ST8SIA6: variants seen among roughly 807,000 people sequenced by gnomAD.
ST8SIA6 encodes the protein ST8 alpha-N-acetyl-neuraminide alpha-2,8-sialyltransferase 6.
ST8SIA6 carries 39 observed loss-of-function variants against 33.6 expected under a neutral mutation model. That is an observed-to-expected ratio of 1.16 (90% CI 0.90 to 1.52). The LOEUF is 1.52. Ranked by LOEUF, ST8SIA6 falls within the 40% of genes most tolerant of loss-of-function variation. The pLI is 0.00. For missense variants in ST8SIA6, 441 were observed against 443.8 expected (o/e 0.99, Z 0.06); for synonymous variants, 172 against 167.2 (o/e 1.03, Z -0.22).
chr10:17,366,217 G>A (rs1313277829), intron 3 of ST8SIA6, among the ~76,000 whole-genome samples: 1 of 152,150 alleles, frequency 6.6e-6, no homozygotes, highest in Non-Finnish European at 1.5e-5. Context: ...TATGCACGAT[G>A]GTAACTTCTA....
At chr10:17,449,359 T>A (rs1175898723) in intron 2 of ST8SIA6, among the ~76,000 whole-genome samples, 1 of 152,168 alleles carries the variant, frequency 6.6e-6, no homozygotes, top group Non-Finnish European at 1.5e-5. Flanking sequence ...ACAAAGCTTA[T>A]TAGCAAGAGA....
intron 4 of ST8SIA6, among the ~76,000 whole-genome samples, chr10:17,334,336 G>A (rs1043851474): frequency 1.3e-5 from 2 of 151,290 alleles, no homozygotes; most frequent in African/African-American, 4.8e-5. Flanking sequence ...TCAGGAGATC[G>A]AGACCATCCT....
At chr10:17,395,317 A>G (rs1850767934) in intron 2 of ST8SIA6, among the ~76,000 whole-genome samples, 1 of 152,188 alleles carries the variant, frequency 6.6e-6, no homozygotes, top group South Asian at 2.1e-4. Context: ...TGGGGATCAT[A>G]TCACATCCTG....
chr10:17,336,834 T>TCCAC (rs2131592326), intron 4 of ST8SIA6, among the ~76,000 whole-genome samples: 1 of 152,228 alleles, frequency 6.6e-6, no homozygotes, highest in East Asian at 1.9e-4. Flanking sequence ...CCCTAGTTGA[T>TCCAC]CCACCCCCCT....
At chr10:17,323,340 T>TAATAATTA (rs372399043) in intron 6 of ST8SIA6, among the ~76,000 whole-genome samples, 183 bp from the exon 7 acceptor site, 2,781 of 151,822 alleles carry the variant, frequency 0.018, 29 homozygotes, top group Non-Finnish European at 0.022. Context: ...TTATTTACTT[T>TAATAATTA]AATAATTACT....
intron 2 of ST8SIA6, among the ~76,000 whole-genome samples, chr10:17,401,507 A>G (rs187297435): frequency 6.6e-6 from 1 of 152,236 alleles, no homozygotes; most frequent in South Asian, 2.1e-4. Context: ...AGCTGGAAGC[A>G]TCACGCTACC....
intron 4 of ST8SIA6, among the ~76,000 whole-genome samples, chr10:17,358,152 ATG>A (rs1426587502): frequency 6.6e-6 from 1 of 152,176 alleles, no homozygotes; most frequent in Non-Finnish European, 1.5e-5. Context: ...CATGATATCC[ATG>A]TGTCTACCCA....
At chr10:17,328,498 G>A (rs905453066) in intron 5 of ST8SIA6, among the ~76,000 whole-genome samples, 1 of 152,286 alleles carries the variant, frequency 6.6e-6, no homozygotes, top group South Asian at 2.1e-4. Flanking sequence ...AAGTAATAAT[G>A]TGACCTTGAG....
intron 2 of ST8SIA6, among the ~76,000 whole-genome samples, chr10:17,416,350 G>T (rs1851607218): frequency 6.6e-6 from 1 of 151,992 alleles, no homozygotes; most frequent in African/African-American, 2.4e-5. Flanking sequence ...CTACTCTCTG[G>T]CTTTGAGTCC....
chr10:17,392,934 CATG>C (rs1482687709), intron 2 of ST8SIA6, among the ~76,000 whole-genome samples: 1 of 152,156 alleles, frequency 6.6e-6, no homozygotes, highest in African/African-American at 2.4e-5. Context: ...ACTGGTAAAA[CATG>C]ATTTCTGGGT....
intron 2 of ST8SIA6, among the ~76,000 whole-genome samples, chr10:17,396,333 G>A (rs1323150779): frequency 1.3e-5 from 2 of 152,166 alleles, no homozygotes; most frequent in Admixed American, 1.3e-4. Flanking sequence ...GTGGTTTGGT[G>A]CCTTGGTAAA....
At chr10:17,326,886 CG>C in intron 6 of ST8SIA6, 127 bp downstream of exon 6, 1 of 595,410 alleles carries the variant, frequency 1.7e-6, no homozygotes, top group South Asian at 3.3e-5. Context: ...GAAACCTTCC[CG>C]GGTAATTTGT....
At chr10:17,426,047 C>A (rs192258174) in intron 2 of ST8SIA6, among the ~76,000 whole-genome samples, 1 of 151,962 alleles carries the variant, frequency 6.6e-6, no homozygotes, top group Admixed American at 6.5e-5. Flanking sequence ...TGCCTGCCAC[C>A]CCATAGCATT....
intron 2 of ST8SIA6, among the ~76,000 whole-genome samples, chr10:17,433,049 C>G (rs1465250594): frequency 6.6e-6 from 1 of 152,040 alleles, no homozygotes; most frequent in African/African-American, 2.4e-5. Flanking sequence ...TGGGAGCTGC[C>G]CAATTCATGA....
In ST8SIA6 at chr10:17,317,021, A is replaced by T. The variant is rs956280839; in HGVS notation, c.*3857T>A. 6.6e-6 allele frequency among the ~76,000 whole-genome samples: 1 copy of T among 152,200 alleles called. No homozygotes were observed. The highest frequency in any genetic ancestry group is 2.4e-5 in the African/African-American group (1 of 41,454). On this transcript the variant is annotated 3_prime_UTR_variant, in exon 8 of 8. Transcript: ENST00000377602. ...TTTTTGGGTCATGTTGAAGAAGTAC[A>T]GTTCCTCACCTGTATCTCAAACATA...
chr10:17,368,588 C>T (rs1348027793), intron 3 of ST8SIA6, among the ~76,000 whole-genome samples: 2 of 151,590 alleles, frequency 1.3e-5, no homozygotes, highest in East Asian at 1.9e-4. Flanking sequence ...AAAGAAAGTA[C>T]GAGGAATAGT....
At chr10:17,417,368 A>G (rs529411969) in intron 2 of ST8SIA6, among the ~76,000 whole-genome samples, 1 of 152,192 alleles carries the variant, frequency 6.6e-6, no homozygotes, top group Admixed American at 6.5e-5. Context: ...TCCATGATCC[A>G]TTCTTTCTGC....
At position 17,315,597 on chromosome 10, in the gene ST8SIA6, G is replaced by A. The variant is rs2035392023; in HGVS notation, c.*5281C>T. Among the ~76,000 whole-genome samples, 1 of 151,980 alleles carries A rather than the reference G, an allele frequency of 6.6e-6. No homozygotes were observed. On this transcript the variant is annotated 3_prime_UTR_variant, in exon 8 of 8. Coordinates refer to ENST00000377602, the MANE Select transcript of ST8SIA6 (RefSeq NM_001004470.3). ...CATGAATGAGTTTTAATATTATTAT[G>A]TCGAGCAAAAGTGCAAGACAAGAAA... is the stretch of plus-strand genomic sequence containing the variant.
chr10:17,393,824 C>A (rs1352925630), intron 2 of ST8SIA6, among the ~76,000 whole-genome samples: 3 of 152,178 alleles, frequency 2.0e-5, no homozygotes, highest in African/African-American at 7.2e-5. Flanking sequence ...CTAAAAACTG[C>A]CTGCAGAGTA....
Sources: allele counts gnomAD v4.1 joint callset (sites outside exome capture counted in the v4.1 genomes callset), GRCh38; gene constraint gnomAD v4.1.1; transcripts MANE v1.5; gene names NCBI Gene and HGNC (gene_info 2026-07-23, HGNC 2026-07-21).